Variants in CGNL1 observed in about 807,000 individuals in gnomAD.
The protein encoded by CGNL1 is cingulin-like protein 1.
Under a neutral mutation model 141.2 loss-of-function variants are expected in CGNL1, and 132 were observed. That is an observed-to-expected ratio of 0.93 (90% confidence interval 0.81 to 1.08). The LOEUF (loss-of-function observed/expected upper bound fraction) is 1.08, where lower values mean the gene tolerates loss of function less well. Ranked by LOEUF, CGNL1 falls within the 50% of genes least tolerant of loss-of-function variation. The pLI is 0.00. For synonymous variants in CGNL1, 690 were observed against 622.1 expected, an observed-to-expected ratio of 1.11 and a Z score of -1.63; for missense variants, 1,870 against 1,588.6, an observed-to-expected ratio of 1.18 and a Z score of -3.01.
intron 14 of CGNL1, among the ~76,000 whole-genome samples, chr15:57,536,781 A>G (rs1473307688): frequency 2.0e-5 from 3 of 152,182 alleles, no homozygotes; most frequent in Non-Finnish European, 2.9e-5. Flanking sequence ...AGGGCTTTCA[A>G]GGTGAAGTGA....
At chr15:57,395,365 G>A (rs776621686) in intron 1 of CGNL1, among the ~76,000 whole-genome samples, 9 of 152,162 alleles carry the variant, frequency 5.9e-5, no homozygotes, top group African/African-American at 1.7e-4. Flanking sequence ...TAATGCTTTC[G>A]GAAGCTAAAT....
chr15:57,403,462 G>T (rs762683403), intron 1 of CGNL1, among the ~76,000 whole-genome samples: 2 of 152,172 alleles, frequency 1.3e-5, no homozygotes, highest in Non-Finnish European at 2.9e-5. Context: ...CAAAACCTGG[G>T]AGGTGAATTA....
intron 8 of CGNL1, among the ~76,000 whole-genome samples, chr15:57,464,129 G>C (rs1320909808): frequency 6.6e-6 from 1 of 151,900 alleles, no homozygotes; most frequent in Non-Finnish European, 1.5e-5. Context: ...GGCCAGACAG[G>C]GAGCATAAAT....
At chr15:57,436,185 C>A (rs1434570435) in intron 1 of CGNL1, among the ~76,000 whole-genome samples, 5 of 152,204 alleles carry the variant, frequency 3.3e-5, no homozygotes, top group Admixed American at 3.3e-4. Context: ...TCTCTTTTTA[C>A]TAACAGAACA....
intron 1 of CGNL1, among the ~76,000 whole-genome samples, chr15:57,417,233 C>T (rs759962866): frequency 6.6e-6 from 1 of 152,020 alleles, no homozygotes; most frequent in Non-Finnish European, 1.5e-5. Context: ...TTCTTCCTTT[C>T]CTTTCCTTTC....
intron 13 of CGNL1, 132 bp downstream of exon 13, chr15:57,528,947 T>A: frequency 3.3e-6 from 3 of 911,800 alleles, no homozygotes; most frequent in Non-Finnish European, 4.9e-6. Flanking sequence ...CAGCTGGGTG[T>A]AGTGAGGTTA....
At chr15:57,442,600 G>A (rs1465967101) in intron 4 of CGNL1, 122 bp downstream of exon 4, 1 of 593,182 alleles carries the variant, frequency 1.7e-6, no homozygotes, top group African/African-American at 1.9e-5. Context: ...GAGTAGTGAG[G>A]AGTACTCTTC....
Position 57,545,676 on chromosome 15 carries a change from G to A in CGNL1, c.3585G>A (p.Leu1195=), listed in dbSNP as rs1475258914. The A allele has an allele frequency of 6.2e-7, 1 of 1,613,390 alleles. No homozygotes were observed. Among genetic ancestry groups the A allele is most frequent in the Non-Finnish European group, 8.5e-7 (1 of 1,179,788 alleles). ...ELVMQVDDEH[L]SLTDQKDQLS... is the part of the protein sequence containing the mutation. ...TGATGCAGGTGGATGATGAGCACCT[G>A]TCATTGACTGATCAGAAGGACCAGG... The change falls in exon 17 of 19, where the codon CTG becomes CTA. Residue 1195 remains leucine, a synonymous_variant. Transcript: ENST00000281282.
intron 16 of CGNL1, among the ~76,000 whole-genome samples, chr15:57,544,803 G>A (rs1322594092): frequency 1.3e-5 from 2 of 152,218 alleles, no homozygotes; most frequent in Non-Finnish European, 2.9e-5. Context: ...AGGTAGCCTG[G>A]CTGGATACTG....
At chr15:57,532,477 G>C (rs2032004000) in intron 14 of CGNL1, among the ~76,000 whole-genome samples, 1 of 152,144 alleles carries the variant, frequency 6.6e-6, no homozygotes, top group Admixed American at 6.5e-5. Context: ...TGGAAACAGA[G>C]GTCAAAAGCC....
chr15:57,429,098 T>C (rs2063014090), intron 1 of CGNL1, among the ~76,000 whole-genome samples: 1 of 152,118 alleles, frequency 6.6e-6, no homozygotes, highest in Admixed American at 6.5e-5. Flanking sequence ...GTTGGGTACT[T>C]GCAAAAATAT....
intron 1 of CGNL1, among the ~76,000 whole-genome samples, chr15:57,389,018 A>G (rs2062513905): frequency 6.6e-6 from 1 of 152,074 alleles, no homozygotes; most frequent in South Asian, 2.1e-4. Context: ...GTCAAACTAT[A>G]GAGAGGTGTT....
chr15:57,413,385 T>C (rs1172321756), intron 1 of CGNL1, among the ~76,000 whole-genome samples: 1 of 152,044 alleles, frequency 6.6e-6, no homozygotes, highest in Non-Finnish European at 1.5e-5. Flanking sequence ...CAAGCCATCC[T>C]CCGAGCTCAG....
chr15:57,481,756 A>AT (rs1161758083), intron 8 of CGNL1, among the ~76,000 whole-genome samples: 1 of 152,024 alleles, frequency 6.6e-6, no homozygotes, highest in African/African-American at 2.4e-5. Flanking sequence ...ATGTGATTTA[A>AT]TTTTTTTCTG....
Position 57,524,739 on chromosome 15 carries a change from A to G in CGNL1, c.3027A>G (p.Lys1009=). Reference sequence around the variant, plus strand: ...AAAAGTCCCGACTGACAGCCATGAAAATGCAGGATGAGGTAATGCCTGGCC... The same window carrying G: ...AAAAGTCCCGACTGACAGCCATGAAGATGCAGGATGAGGTAATGCCTGGCC... The part of the protein sequence containing the change: ...EAEKSRLTAM[K]MQDEMRLMEE... Residue 1009 remains lysine, a synonymous_variant, in exon 12 of 19, where the codon AAA becomes AAG. Coordinates refer to ENST00000281282, the MANE Select transcript of CGNL1 (RefSeq NM_032866.5). The G allele has an allele frequency of 6.2e-7, 1 of 1,614,150 alleles. No homozygotes were observed. Among genetic ancestry groups the G allele is most frequent in the South Asian group, 1.1e-5 (1 of 91,072 alleles).
At chr15:57,470,062 A>G (rs2063559647) in intron 8 of CGNL1, among the ~76,000 whole-genome samples, 1 of 152,156 alleles carries the variant, frequency 6.6e-6, no homozygotes, top group African/African-American at 2.4e-5. Context: ...TTTAACTTCA[A>G]ATAATCAACT....
chr15:57,470,898 C>A (rs2063573467), intron 8 of CGNL1, among the ~76,000 whole-genome samples: 1 of 151,974 alleles, frequency 6.6e-6, no homozygotes, highest in African/African-American at 2.4e-5. Context: ...GAGTTGACAC[C>A]CTAAGTGCTT....
In CGNL1 at chr15:57,410,543, CTCTT is replaced by C. The variant is rs577359530; in HGVS notation, c.-15-27438_-15-27435del. On this transcript the variant is annotated intron_variant, in intron 1 of 18. Transcript: ENST00000281282. Reference sequence around the variant, plus strand: ...TGGAAGCTTTCCCATCACCACCTCTCTCTTTCTAGGCAGGCATTTTGGCTGTGTC... The same window carrying C: ...TGGAAGCTTTCCCATCACCACCTCTCTCTAGGCAGGCATTTTGGCTGTGTC... Among the ~76,000 whole-genome samples the C allele has an allele frequency of 6.8e-4, 104 of 152,292 alleles. 1 individual carries two copies. The East Asian group carries it at 0.017, about 25-fold the overall frequency.
chr15:57,424,194 G>A (rs75449518), intron 1 of CGNL1, among the ~76,000 whole-genome samples: 15,338 of 152,192 alleles, frequency 0.1, 850 homozygotes, highest in Middle Eastern at 0.18. Flanking sequence ...TGTCTAGCAC[G>A]TTTCTCCTTC....
Sources: allele counts gnomAD v4.1 joint callset (sites outside exome capture counted in the v4.1 genomes callset), GRCh38; gene constraint gnomAD v4.1.1; transcripts MANE v1.5; gene names NCBI Gene and HGNC (gene_info 2026-07-23, HGNC 2026-07-21).